Variants in GRB7 observed in about 807,000 individuals in gnomAD.
GRB7 encodes growth factor receptor-bound protein 7.
Under a neutral mutation model 64.1 loss-of-function variants are expected in GRB7, and 47 were observed. That is an observed-to-expected ratio of 0.73 (90% CI 0.58 to 0.94). The LOEUF (loss-of-function observed/expected upper bound fraction) is 0.94. GRB7 is among the 40% of genes least tolerant of loss of function. The pLI is 0.00. For synonymous variants in GRB7, 277 were observed against 279.9 expected, an observed-to-expected ratio of 0.99 and a Z score of 0.10; for missense variants, 634 against 718.4, an observed-to-expected ratio of 0.88 and a Z score of 1.34.
At position 39,744,549 on chromosome 17, in the gene GRB7, T is replaced by G. The variant is rs755775566; in HGVS notation, c.802-4T>G. On this transcript the variant is annotated splice_polypyrimidine_tract_variant and splice_region_variant and intron_variant, in intron 7 of 14. Transcript: ENST00000309156. ...ACCAAGTCCTGCTCACTCATGCTGC[T>G]TAGGATCCGAGGCACCTGCAGTACG... is the stretch of plus-strand genomic sequence containing the variant. 3.4e-5 allele frequency: 54 copies of G among 1,602,690 alleles called. No individual in the cohort carries two copies. Among genetic ancestry groups the G allele is most frequent in the Admixed American group, 8.5e-5 (5 of 58,528 alleles).
chr17:39,740,643 C>CT (rs2059987191), intron 1 of GRB7, among the ~76,000 whole-genome samples: 1 of 151,608 alleles, frequency 6.6e-6, no homozygotes, highest in Non-Finnish European at 1.5e-5. Flanking sequence ...AGCCTCAGGC[C>CT]CACATCCTCC....
intron 6 of GRB7, 61 bp downstream of exon 6, chr17:39,743,531 C>T (rs2060015931): frequency 1.9e-5 from 25 of 1,349,422 alleles, no homozygotes; most frequent in Non-Finnish European, 2.7e-5. Context: ...CAGTGCTTCT[C>T]CACCCTTAAG....
chr17:39,745,451 C>T lies in GRB7; in HGVS notation c.1122C>T (p.Ala374=). 6.2e-7 allele frequency: 1 copy of T among 1,614,008 alleles called. No individual in the cohort carries two copies. ...LRSASDNTLV[A]MDFSGHAGRV... ...GTGCCTCAGATAATACCCTGGTGGCCATGGACTTCTCTGGCCATGCTGGGC... is the reference window on the plus strand; with the variant it reads ...GTGCCTCAGATAATACCCTGGTGGCTATGGACTTCTCTGGCCATGCTGGGC... Residue 374 remains alanine (A), a synonymous_variant, in exon 11 of 15, where the codon GCC becomes GCT. Coordinates refer to ENST00000309156, the MANE Select transcript of GRB7 (RefSeq NM_005310.5).
In GRB7 at chr17:39,742,889, G is replaced by A. The variant is rs765342106; in HGVS notation, c.307-9G>A. 8 of 1,570,258 alleles carry A rather than the reference G, an allele frequency of 5.1e-6. No individual in the cohort carries two copies. Among genetic ancestry groups the A allele is most frequent in the Non-Finnish European group, 5.2e-6 (6 of 1,154,732 alleles). Reference sequence around the variant, plus strand: ...TCCCCTCAAGTCGTGTGCAATTCCTGGGGCGCAGGTAGTAAAGGTGTACAG... The same window carrying A: ...TCCCCTCAAGTCGTGTGCAATTCCTAGGGCGCAGGTAGTAAAGGTGTACAG... On this transcript the variant is annotated splice_polypyrimidine_tract_variant and intron_variant, in intron 3 of 14. Transcript: ENST00000309156.
At position 39,744,714 on chromosome 17, in the gene GRB7, C is replaced by T. The variant is rs878906486; in HGVS notation, c.912+51C>T. The T allele has an allele frequency of 9.4e-6, 14 of 1,491,816 alleles. No homozygotes were observed. The South Asian group carries it at 9.5e-5, about 10-fold the overall frequency. The allele number at this position is 1,491,816 out of a possible 1,614,324, so 92.4% of individuals were successfully genotyped here. ...CTGGCCTGGGGAAGCAGGAACTGCT[C>T]AGGCCCCTGGATCCTGCCCGGGGCT... On this transcript the variant is annotated intron_variant, in intron 8 of 14. Transcript: ENST00000309156.
Position 39,745,406 on chromosome 17 carries a change from C to G in GRB7, c.1093-16C>G. 1 of 1,612,822 alleles carries G rather than the reference C, an allele frequency of 6.2e-7. No individual in the cohort carries two copies. The highest frequency in any genetic ancestry group is 2.2e-5 in the East Asian group (1 of 44,876). ...TGGGCCCTGTTCTGACCTCTCTCCT[C>G]TCCTTCCATCTCCAGAGAAGTGCCT... On this transcript the variant is annotated splice_polypyrimidine_tract_variant and intron_variant, in intron 10 of 14. Transcript: ENST00000309156.
chr17:39,742,056 C>T (rs2059999289), intron 1 of GRB7, among the ~76,000 whole-genome samples, 196 bp from the exon 2 acceptor site: 1 of 151,672 alleles, frequency 6.6e-6, no homozygotes, highest in Non-Finnish European at 1.5e-5. Context: ...TCCCGACTCA[C>T]CTGTGACTGA....
intron 1 of GRB7, among the ~76,000 whole-genome samples, chr17:39,739,700 CG>C (rs2059979189): frequency 6.6e-6 from 1 of 152,230 alleles, no homozygotes; most frequent in African/African-American, 2.4e-5. Flanking sequence ...GTTGGGAGGA[CG>C]GGAACGCGGG....
intron 7 of GRB7, 63 bp from the exon 8 acceptor site, chr17:39,744,490 T>G: frequency 6.0e-6 from 8 of 1,323,150 alleles, no homozygotes; most frequent in Non-Finnish European, 8.5e-6. Context: ...ACCTGGCTTG[T>G]GGGGGGAGGT....
rs374326861 is a variant in GRB7, at chr17:39,742,633, T to C, written c.223T>C (p.Cys75Arg). The change falls in exon 3 of 15, where the codon TGC (cysteine) becomes CGC (arginine). Residue 75 changes from cysteine to arginine, a missense_variant. Cys to Arg is a radical substitution (Grantham distance 180). Around this residue, in one of 2 missense-constraint regions of GRB7, gnomAD observed 167 missense variants for 141.9 expected, o/e 1.18. Transcript: ENST00000309156. ...PSIPNPFPEL[C>R]SPPSQSPILG... is the part of the protein sequence containing the mutation. ...TATCCCCAACCCCTTCCCTGAGCTC[T>C]GCAGTCCTCCCTCACAGAGCCCAAT... The C allele has an allele frequency of 2.3e-5, 37 of 1,611,638 alleles. No individual in the cohort carries two copies. Among genetic ancestry groups the C allele is most frequent in the Non-Finnish European group, 3.0e-5 (35 of 1,178,570 alleles).
At position 39,744,678 on chromosome 17, in the gene GRB7, A is replaced by C; in HGVS notation, c.912+15A>C. The C allele has an allele frequency of 6.3e-7, 1 of 1,585,584 alleles. No homozygotes were observed. The highest frequency in any genetic ancestry group is 8.6e-7 in the Non-Finnish European group (1 of 1,164,790). On this transcript the variant is annotated intron_variant, in intron 8 of 14. Coordinates refer to ENST00000309156, the MANE Select transcript of GRB7 (RefSeq NM_005310.5). ...TCTGTGTCAAGGTGAAGACCTGGCCAGGCCTGGCCCCTGGCCTGGGGAAGC... is the reference window on the plus strand; with the variant it reads ...TCTGTGTCAAGGTGAAGACCTGGCCCGGCCTGGCCCCTGGCCTGGGGAAGC...
chr17:39,741,477 C>T (rs2059993666), intron 1 of GRB7, among the ~76,000 whole-genome samples: 1 of 152,258 alleles, frequency 6.6e-6, no homozygotes, highest in African/African-American at 2.4e-5. Flanking sequence ...CATCACTCAT[C>T]ACTTGGGCAG....
In GRB7 at chr17:39,745,002, G is replaced by A. The variant is rs1164068070; in HGVS notation, c.1011+18G>A. On this transcript the variant is annotated intron_variant, in intron 9 of 14. Coordinates refer to ENST00000309156, the MANE Select transcript of GRB7 (RefSeq NM_005310.5). ...TCTTCAAGGTGAGACCCTGGGAGTG[G>A]CATGGGGGGCTGGCCTGGCCAGAGG... 6.3e-7 allele frequency: 1 copy of A among 1,597,418 alleles called. No homozygotes were observed. The highest frequency in any genetic ancestry group is 8.6e-7 in the Non-Finnish European group (1 of 1,166,224).
Position 39,744,933 on chromosome 17 carries a change from T to G in GRB7, c.960T>G (p.Ser320Arg). 1 of 1,613,978 alleles carries G rather than the reference T, an allele frequency of 6.2e-7. No homozygotes were observed. The highest frequency in any genetic ancestry group is 2.2e-5 in the East Asian group (1 of 44,880). The change falls in exon 9 of 15, where the codon AGT becomes AGG. Residue 320 changes from serine (S) to arginine (R), a missense_variant. By Grantham distance (110) the Ser-to-Arg change is moderately radical. Around this residue, in one of 2 missense-constraint regions of GRB7, gnomAD observed 467 missense variants for 576.6 expected, o/e 0.81. Transcript: ENST00000309156. ...NGHKGLRIFC[S>R]EDEQSRTCWL... is the part of the protein sequence containing the mutation. ...ACAAGGGGCTTCGGATCTTCTGCAG[T>G]GAAGATGAGCAGAGCCGCACCTGCT... is the stretch of plus-strand genomic sequence containing the variant.
intron 8 of GRB7, 71 bp from the exon 9 acceptor site, chr17:39,744,815 C>A: frequency 7.1e-7 from 1 of 1,403,978 alleles, no homozygotes; most frequent in Non-Finnish European, 1.0e-6. Context: ...TTCAGCTCTG[C>A]TATGTGGAGC....
chr17:39,747,005 G>A lies in GRB7; in HGVS notation c.*108G>A, dbSNP rs186657088. ...GGCCACAGGGGACGGGATGAGGAGCGGGAGGGTTCCGCCACTCCAGTTTTC... is the reference window on the plus strand; with the variant it reads ...GGCCACAGGGGACGGGATGAGGAGCAGGAGGGTTCCGCCACTCCAGTTTTC... On this transcript the variant is annotated 3_prime_UTR_variant, in exon 15 of 15. Transcript: ENST00000309156. 4.7e-4 allele frequency: 592 copies of A among 1,262,664 alleles called. 4 individuals are homozygous for A. The African/African-American group carries it at 7.7e-3, about 16-fold the overall frequency. The allele number at this position is 1,262,664 out of a possible 1,614,324, so 78.2% of individuals were successfully genotyped here.
Position 39,745,440 on chromosome 17 carries a change from A to G in GRB7, c.1111A>G (p.Thr371Ala). 6.2e-7 allele frequency: 1 copy of G among 1,613,820 alleles called. No homozygotes were observed. Among genetic ancestry groups the G allele is most frequent in the Non-Finnish European group, 8.5e-7 (1 of 1,179,948 alleles). The stretch of plus-strand genomic sequence containing the variant: ...TCTCCAGAGAAGTGCCTCAGATAAT[A>G]CCCTGGTGGCCATGGACTTCTCTGG... ...SPPLRSASDN[T>A]LVAMDFSGHA... is the part of the protein sequence containing the mutation. Residue 371 changes from threonine to alanine, a missense_variant, in exon 11 of 15, where the codon ACC (threonine) becomes GCC (alanine). Physicochemically the swap from Thr to Ala is moderately conservative, Grantham distance 58. Coordinates refer to ENST00000309156, the MANE Select transcript of GRB7 (RefSeq NM_005310.5).
chr17:39,743,527 T>C, intron 6 of GRB7, 57 bp downstream of exon 6: 1 of 1,368,952 alleles, frequency 7.3e-7, no homozygotes, highest in Non-Finnish European at 1.0e-6. Flanking sequence ...TGGCCAGTGC[T>C]TCTCCACCCT....
chr17:39,742,856 C>T, intron 3 of GRB7, 42 bp from the exon 4 acceptor site: 9 of 1,549,312 alleles, frequency 5.8e-6, no homozygotes, highest in Non-Finnish European at 7.9e-6. Flanking sequence ...AATGAATCAC[C>T]CTTTGCCTCC....
Sources: gnomAD v4.1 joint callset for allele counts (sites outside exome capture counted in the v4.1 genomes callset) on GRCh38, gnomAD v4.1.1 for gene constraint, gnomAD v4.1.1 regional missense constraint, MANE v1.5 for transcripts, NCBI Gene and HGNC (gene_info 2026-07-23, HGNC 2026-07-21) for gene names.